Variants in EBF2 observed in about 807,000 individuals in gnomAD.
EBF2 encodes transcription factor COE2.
EBF2 carries 21 observed loss-of-function variants against 72.8 expected under a neutral mutation model. The ratio of observed to expected loss-of-function variants is 0.29; its 90% CI spans 0.20 to 0.42. The LOEUF is 0.42. Among genes scored for constraint, EBF2 ranks in the 10% least tolerant of loss-of-function variants. The pLI is 1.00. For missense variants in EBF2, 637 were observed against 731.2 expected, an observed-to-expected ratio of 0.87 and a Z score of 1.49; for synonymous variants, 299 against 274.2, an observed-to-expected ratio of 1.09 and a Z score of -0.89.
intron 10 of EBF2, among the ~76,000 whole-genome samples, chr8:25,873,351 C>G (rs1259452636): frequency 6.6e-6 from 1 of 152,178 alleles, no homozygotes; most frequent in Non-Finnish European, 1.5e-5. Flanking sequence ...CTAAGGCTAT[C>G]ACTGATTTGG....
intron 6 of EBF2, among the ~76,000 whole-genome samples, chr8:26,014,192 T>G (rs922046303): frequency 6.6e-6 from 1 of 152,092 alleles, no homozygotes; most frequent in Non-Finnish European, 1.5e-5. Context: ...TGGCATATAT[T>G]TTAAATCTTA....
In EBF2 at chr8:25,991,389, G is replaced by A. The variant is rs1193174895; in HGVS notation, c.551+41696C>T. ...TGTCTAATCAGAACCACCACCTATT[G>A]AGGCCCATTGTATGCCAGGAACTGA... On this transcript the variant is annotated intron_variant, in intron 6 of 15. Transcript: ENST00000520164. 3.9e-5 allele frequency among the ~76,000 whole-genome samples: 6 copies of A among 152,186 alleles called. No homozygotes were observed. In the South Asian group the frequency reaches 1.2e-3, roughly 32 times the overall value.
At chr8:26,006,891 C>T (rs933293856) in intron 6 of EBF2, among the ~76,000 whole-genome samples, 1 of 152,098 alleles carries the variant, frequency 6.6e-6, no homozygotes, top group African/African-American at 2.4e-5. Flanking sequence ...GTCAATAATC[C>T]AATATAGCTA....
intron 3 of EBF2, 50 bp downstream of exon 3, chr8:26,040,889 C>T (rs368388178): frequency 1.1e-5 from 17 of 1,611,344 alleles, no homozygotes; most frequent in Non-Finnish European, 1.3e-5. Context: ...GCGTGCGGCC[C>T]GGAAGCCGGC....
intron 10 of EBF2, among the ~76,000 whole-genome samples, chr8:25,863,457 G>A (rs1477583488): frequency 6.6e-6 from 1 of 152,142 alleles, no homozygotes; most frequent in Non-Finnish European, 1.5e-5. Flanking sequence ...GAGTGAATGA[G>A]TGAATTAATG....
At position 25,842,884 on chromosome 8, in the gene EBF2, C is replaced by A. The variant is rs1193219590; in HGVS notation, c.*1725G>T. 1 of 152,170 alleles carries A rather than the reference C, an allele frequency of 6.6e-6. No homozygotes were observed. Among genetic ancestry groups the A allele is most frequent in the Non-Finnish European group, 1.5e-5 (1 of 68,028 alleles). The allele number at this position is 152,170 out of a possible 1,614,324, so 9.4% of individuals were successfully genotyped here. ...TGATGTTTTTCCATGAGTGCTGCAT[C>A]TATTTCTAATGCTGAAATCCCAACC... On this transcript the variant is annotated 3_prime_UTR_variant, in exon 16 of 16. Coordinates refer to ENST00000520164, the MANE Select transcript of EBF2 (RefSeq NM_022659.4).
intron 7 of EBF2, among the ~76,000 whole-genome samples, chr8:25,893,668 T>C (rs1585185184): frequency 2.0e-5 from 3 of 152,212 alleles, no homozygotes; most frequent in African/African-American, 7.2e-5. Flanking sequence ...GAGCCTTCTC[T>C]CTGAGGCTGC....
In EBF2 at chr8:26,044,711, G is replaced by T. The variant is rs757173555; in HGVS notation, c.131+18C>A. On this transcript the variant is annotated intron_variant, in intron 1 of 15. Coordinates refer to ENST00000520164, the MANE Select transcript of EBF2 (RefSeq NM_022659.4). This position sits in a 1 kb window ranked among gnomAD's most constrained non-coding sequence, Gnocchi z 4.1. ...AAGAGCGAGAGACAGCATAATAATT[G>T]CGCGGCCGTGTCGTTACCTCTGCGC... The T allele has an allele frequency of 6.2e-7, 1 of 1,612,746 alleles. No individual in the cohort carries two copies. Among genetic ancestry groups the T allele is most frequent in the East Asian group, 2.2e-5 (1 of 44,842 alleles).
chr8:26,021,562 T>C (rs1032073915), intron 6 of EBF2, among the ~76,000 whole-genome samples: 4 of 152,186 alleles, frequency 2.6e-5, no homozygotes, highest in African/African-American at 4.8e-5. Flanking sequence ...TACAAGATGC[T>C]CAGTTAATTT....
chr8:25,881,241 A>G (rs921473985), intron 10 of EBF2, among the ~76,000 whole-genome samples: 2 of 152,236 alleles, frequency 1.3e-5, no homozygotes, highest in African/African-American at 4.8e-5. Context: ...AGAGCTGAAA[A>G]AAAACAAGCC....
At chr8:25,881,422 T>G (rs1310527141) in intron 10 of EBF2, among the ~76,000 whole-genome samples, 1 of 152,076 alleles carries the variant, frequency 6.6e-6, no homozygotes, top group Non-Finnish European at 1.5e-5. Context: ...TTTAAGGAGG[T>G]TCAATTCCCC....
chr8:25,993,999 T>A (rs1414259502), intron 6 of EBF2, among the ~76,000 whole-genome samples: 4 of 152,078 alleles, frequency 2.6e-5, no homozygotes, highest in Admixed American at 6.6e-5. Flanking sequence ...GTATTCAAAG[T>A]GTCAGAAAAC....
chr8:25,936,363 G>A (rs1226860386), intron 6 of EBF2, among the ~76,000 whole-genome samples: 3 of 152,162 alleles, frequency 2.0e-5, no homozygotes, highest in East Asian at 3.9e-4. Context: ...AGGCAAACAG[G>A]AAAGCAGGCA....
At chr8:26,002,098 C>T (rs1804737298) in intron 6 of EBF2, among the ~76,000 whole-genome samples, 1 of 152,152 alleles carries the variant, frequency 6.6e-6, no homozygotes, top group African/African-American at 2.4e-5. Flanking sequence ...ACCGGGAGTT[C>T]AGGCAAAGGA....
intron 6 of EBF2, among the ~76,000 whole-genome samples, chr8:26,005,578 A>AGAGAGAGAGAGG (rs1401732031): frequency 1.3e-5 from 1 of 76,460 alleles, no homozygotes; most frequent in Non-Finnish European, 2.5e-5. Flanking sequence ...AGAGAGAGAG[A>AGAGAGAGAGAGG]GGTATTTTGG....
intron 6 of EBF2, among the ~76,000 whole-genome samples, chr8:25,997,182 C>A (rs368288594): frequency 1.3e-5 from 2 of 152,126 alleles, no homozygotes; most frequent in African/African-American, 4.8e-5. Flanking sequence ...AAAATCCACT[C>A]TATTTCATGC....
intron 6 of EBF2, among the ~76,000 whole-genome samples, chr8:25,914,459 G>C (rs1466051338): frequency 6.6e-6 from 1 of 152,180 alleles, no homozygotes; most frequent in Non-Finnish European, 1.5e-5. Context: ...TGAGGTGTTA[G>C]CCCAGGCTAC....
At chr8:25,970,701 G>C (rs1246552450) in intron 6 of EBF2, among the ~76,000 whole-genome samples, 1 of 152,160 alleles carries the variant, frequency 6.6e-6, no homozygotes, top group Non-Finnish European at 1.5e-5. Context: ...GTTGGTGCTT[G>C]CATTATTGCT....
chr8:25,933,710 T>C (rs1223736162), intron 6 of EBF2, among the ~76,000 whole-genome samples: 1 of 152,146 alleles, frequency 6.6e-6, no homozygotes, highest in Non-Finnish European at 1.5e-5. Flanking sequence ...GACTATGATA[T>C]ACAAAGAAAT....
Sources: gnomAD v4.1 joint callset for allele counts (sites outside exome capture counted in the v4.1 genomes callset) on GRCh38, gnomAD v4.1.1 for gene constraint, Gnocchi (gnomAD v3.1) non-coding constraint, MANE v1.5 for transcripts, NCBI Gene and HGNC (gene_info 2026-07-23, HGNC 2026-07-21) for gene names.